Variants in NOS1 observed in about 807,000 individuals in gnomAD.
NOS1 encodes nitric oxide synthase 1.
Under a neutral mutation model 164.5 loss-of-function variants are expected in NOS1, and 51 were observed. The observed-to-expected ratio is 0.31, with a 90% CI of 0.25 to 0.39. NOS1 has a LOEUF of 0.39. Ranked by LOEUF, NOS1 falls within the 10% of genes least tolerant of loss-of-function variation. The pLI, the probability that NOS1 is intolerant of heterozygous loss-of-function variation, is 1.00. For missense variants in NOS1, 1,362 were observed against 1,885.6 expected (o/e 0.72, Z 5.14); for synonymous variants, 719 against 745.8 (o/e 0.96, Z 0.59).
chr12:117,209,509 T>C lies in NOS1; in HGVS notation c.*5800A>G. 8.1e-6 allele frequency: 8 copies of C among 985,494 alleles called. No individual in the cohort carries two copies. The highest frequency in any genetic ancestry group is 9.6e-6 in the Non-Finnish European group (8 of 829,956). The allele number at this position is 985,494 out of a possible 1,614,324, so 61.0% of individuals were successfully genotyped here. ...ACAGGAAGCAGTGCATGGAGGCAGA[T>C]TTGTTCCCGCCTGCCAGGGCCATCT... is the stretch of plus-strand genomic sequence containing the variant. On this transcript the variant is annotated 3_prime_UTR_variant, in exon 29 of 29. Coordinates refer to ENST00000317775, the MANE Select transcript of NOS1 (RefSeq NM_000620.5).
At chr12:117,304,000 G>A (rs958218245) in intron 3 of NOS1, among the ~76,000 whole-genome samples, 13 of 152,184 alleles carry the variant, frequency 8.5e-5, no homozygotes, top group African/African-American at 2.4e-4. Flanking sequence ...GTGAAACCCC[G>A]TCTCTGCCAA....
chr12:117,230,444 C>T (rs1221987579), intron 22 of NOS1, among the ~76,000 whole-genome samples: 2 of 152,216 alleles, frequency 1.3e-5, no homozygotes, highest in Non-Finnish European at 2.9e-5. Flanking sequence ...TAACTACTTA[C>T]AGCCCTTTAA....
At chr12:117,298,965 G>A (rs1339734320) in intron 3 of NOS1, among the ~76,000 whole-genome samples, 1 of 152,216 alleles carries the variant, frequency 6.6e-6, no homozygotes, top group Non-Finnish European at 1.5e-5. Flanking sequence ...CTCTATTAGA[G>A]GCCTGCAGCA....
chr12:117,245,044 CTT>C (rs1870513060), intron 18 of NOS1, among the ~76,000 whole-genome samples: 1 of 152,168 alleles, frequency 6.6e-6, no homozygotes, highest in Non-Finnish European at 1.5e-5. Flanking sequence ...TCTCATCTCT[CTT>C]TGTCTGGGAG....
chr12:117,277,840 C>G, intron 9 of NOS1, 119 bp downstream of exon 9: 4 of 1,230,360 alleles, frequency 3.3e-6, no homozygotes, highest in South Asian at 1.5e-5. Flanking sequence ...ACCAAGCCCC[C>G]CTTTCCCCTT....
At chr12:117,304,473 G>T (rs1012764460) in intron 3 of NOS1, among the ~76,000 whole-genome samples, 1 of 152,124 alleles carries the variant, frequency 6.6e-6, no homozygotes, top group African/African-American at 2.4e-5. Flanking sequence ...AATCTTATGT[G>T]AGTCTCTCCC....
In NOS1 at chr12:117,210,661, G is replaced by C; in HGVS notation, c.*4648C>G. 1 of 985,458 alleles carries C rather than the reference G, an allele frequency of 1.0e-6. No individual in the cohort carries two copies. Among genetic ancestry groups the C allele is most frequent in the Non-Finnish European group, 1.2e-6 (1 of 829,958 alleles). The allele number at this position is 985,458 out of a possible 1,614,324, so 61.0% of individuals were successfully genotyped here. A position where few individuals can be genotyped will look rare whatever the true frequency, so the allele number is the denominator to read the frequency against. ...CCATTTGCCCTATGAGCTAGGTCAG[G>C]ACACCTCTCACTTGTTTTGAGCTTA... On this transcript the variant is annotated 3_prime_UTR_variant, in exon 29 of 29. Coordinates refer to ENST00000317775, the MANE Select transcript of NOS1 (RefSeq NM_000620.5).
At chr12:117,322,951 G>A (rs749988602) in intron 2 of NOS1, among the ~76,000 whole-genome samples, 1 of 148,772 alleles carries the variant, frequency 6.7e-6, no homozygotes, top group Non-Finnish European at 1.5e-5. Context: ...TAAATGATGG[G>A]GATTCAGAGA....
intron 2 of NOS1, among the ~76,000 whole-genome samples, chr12:117,312,741 C>T (rs938562622): frequency 1.3e-5 from 2 of 152,100 alleles, no homozygotes; most frequent in African/African-American, 4.8e-5. Context: ...TTGTTAATCA[C>T]CATTTTATGG....
chr12:117,288,572 A>G (rs1484689761), intron 4 of NOS1, among the ~76,000 whole-genome samples: 2 of 152,222 alleles, frequency 1.3e-5, no homozygotes, highest in Non-Finnish European at 2.9e-5. Context: ...GAATGCATCT[A>G]TGATAGACTG....
chr12:117,260,434 G>A (rs760863545), intron 14 of NOS1, 31 bp downstream of exon 14: 2 of 1,605,624 alleles, frequency 1.2e-6, no homozygotes, highest in Non-Finnish European at 1.7e-6. Context: ...ACCATGAGAA[G>A]CTGGTGGAGC....
intron 9 of NOS1, among the ~76,000 whole-genome samples, chr12:117,275,504 G>A (rs78469465): frequency 0.021 from 3,124 of 152,286 alleles, 120 homozygotes; most frequent in African/African-American, 0.072. Flanking sequence ...CTGGGAGGAG[G>A]AGGGAGAAGG....
At chr12:117,261,549 G>A (rs1047458444) in intron 13 of NOS1, among the ~76,000 whole-genome samples, 5 of 152,200 alleles carry the variant, frequency 3.3e-5, no homozygotes, top group African/African-American at 1.2e-4. Flanking sequence ...ATGGGATTTA[G>A]AGGTTTATTG....
Position 117,311,367 on chromosome 12 carries a change from A to C in NOS1, c.852+99T>G, listed in dbSNP as rs1355252544. The C allele has an allele frequency of 3.7e-6, 5 of 1,361,970 alleles. No homozygotes were observed. The African/African-American group carries it at 7.3e-5, about 20-fold the overall frequency. The allele number at this position is 1,361,970 out of a possible 1,614,324, so 84.4% of individuals were successfully genotyped here. A position where few individuals can be genotyped will look rare whatever the true frequency, so the allele number is the denominator to read the frequency against. ...CACGGCGGCTGATTTCCATCATGAC[A>C]CAGTTTAGGATTTAGCTTCCCTCCC... On this transcript the variant is annotated intron_variant, in intron 3 of 28. Transcript: ENST00000317775.
chr12:117,323,478 G>A lies in NOS1; in HGVS notation c.725+6867C>T, dbSNP rs555855575. Among the ~76,000 whole-genome samples, 18 of 152,330 alleles carry A rather than the reference G, an allele frequency of 1.2e-4. 1 individual carries two copies. The South Asian group carries it at 3.3e-3, about 28-fold the overall frequency. ...GAATTTGGGGTCAAGTCCTGGCTTT[G>A]CTACTTGCTAGCTGTGTGATCTGGG... On this transcript the variant is annotated intron_variant, in intron 2 of 28. Transcript: ENST00000317775.
rs1592927228 is a variant in NOS1, at chr12:117,224,873, A to C, written c.3826+143T>G. The stretch of plus-strand genomic sequence containing the variant: ...ACACCATGAACTTCACCTGTAGGTC[A>C]GGCTGGTGCTACACGCCCCAGCTTT... On this transcript the variant is annotated intron_variant, in intron 25 of 28. Transcript: ENST00000317775. 4.8e-6 allele frequency: 5 copies of C among 1,032,590 alleles called. No homozygotes were observed. The East Asian group carries it at 1.2e-4, about 25-fold the overall frequency. 64.0% of individuals were successfully genotyped at this position (1,032,590 alleles called of 1,614,324 possible).
intron 10 of NOS1, among the ~76,000 whole-genome samples, chr12:117,270,792 T>C (rs1359124818): frequency 6.6e-6 from 1 of 152,038 alleles, no homozygotes; most frequent in African/African-American, 2.4e-5. Flanking sequence ...TCCCAGCACT[T>C]TGGGAGGCCA....
At chr12:117,220,029 G>A (rs371062691) in intron 27 of NOS1, 46 bp downstream of exon 27, 7 of 1,542,654 alleles carry the variant, frequency 4.5e-6, no homozygotes, top group Middle Eastern at 3.5e-4. Context: ...GGGGATAGGA[G>A]AGTGGATGTA....
intron 10 of NOS1, among the ~76,000 whole-genome samples, chr12:117,268,652 C>T (rs535646362): frequency 9.8e-4 from 140 of 142,788 alleles, no homozygotes; most frequent in African/African-American, 3.5e-3. Context: ...TGCAGTGGCA[C>T]GATCTTGGCT....
Sources: gnomAD v4.1 joint callset for allele counts (sites outside exome capture counted in the v4.1 genomes callset) on GRCh38, gnomAD v4.1.1 for gene constraint, MANE v1.5 for transcripts, NCBI Gene and HGNC (gene_info 2026-07-23, HGNC 2026-07-21) for gene names.